Variants in METTL22 observed in about 807,000 individuals in gnomAD.
METTL22 encodes the protein methyltransferase 22, Kin17 lysine, also known as methyltransferase-like protein 22.
A neutral mutation model predicts 48.4 loss-of-function variants in METTL22; 51 were observed. That is an observed-to-expected ratio of 1.05 (90% CI 0.84 to 1.33). The LOEUF is 1.33. Among genes scored for constraint, METTL22 ranks in the 40% most tolerant of loss-of-function variants. The pLI is 0.00. For missense variants in METTL22, 678 were observed against 526.9 expected, an observed-to-expected ratio of 1.29 and a Z score of -2.81; for synonymous variants, 255 against 214.1, an observed-to-expected ratio of 1.19 and a Z score of -1.67.
At chr16:8,631,397 G>A (rs146801108) in intron 3 of METTL22, 8 of 152,310 alleles carry the variant, frequency 5.3e-5, no homozygotes, top group East Asian at 1.9e-4. Flanking sequence ...AACTCAGGCC[G>A]TCAGATTCTG....
At chr16:8,624,955 AAAAG>A (rs1326939035) in intron 1 of METTL22, among the ~76,000 whole-genome samples, 2 of 152,308 alleles carry the variant, frequency 1.3e-5, no homozygotes. Flanking sequence ...TCTAGAATAA[AAAAG>A]AAAGAGTAAA....
Position 8,644,213 on chromosome 16 carries a change from G to A in METTL22, c.1011-344G>A, listed in dbSNP as rs139425131. Among the ~76,000 whole-genome samples, 220 of 152,280 alleles carry A rather than the reference G, an allele frequency of 1.4e-3. 2 individuals carry two copies. Among genetic ancestry groups the A allele is most frequent in the African/African-American group, 5.1e-3 (213 of 41,550 alleles). On this transcript the variant is annotated intron_variant, in intron 9 of 10. Coordinates refer to ENST00000381920, the MANE Select transcript of METTL22 (RefSeq NM_024109.4). ...TCTCAGATAGTTATGCGCAGCTCCAGGCACCAGATTCTGTGCTGGGTGCAG... is the reference window on the plus strand; with the variant it reads ...TCTCAGATAGTTATGCGCAGCTCCAAGCACCAGATTCTGTGCTGGGTGCAG...
In METTL22 at chr16:8,649,421, A is replaced by G. The variant is rs1345498319; in HGVS notation, c.*3278A>G. The G allele has an allele frequency of 6.6e-6, 1 of 152,156 alleles. No individual in the cohort carries two copies. The highest frequency in any genetic ancestry group is 1.5e-5 in the Non-Finnish European group (1 of 68,038). The allele number at this position is 152,156 out of a possible 1,614,324, so 9.4% of individuals were successfully genotyped here. A position where few individuals can be genotyped will look rare whatever the true frequency, so the allele number is the denominator to read the frequency against. Reference sequence around the variant, plus strand: ...CCAGGCCAGTGGACTCAATTTTTTTATAACATTTTCAGAAAAATATGTGAC... The same window carrying G: ...CCAGGCCAGTGGACTCAATTTTTTTGTAACATTTTCAGAAAAATATGTGAC... On this transcript the variant is annotated 3_prime_UTR_variant, in exon 11 of 11. Transcript: ENST00000381920.
At chr16:8,644,019 T>C (rs766862028) in intron 9 of METTL22, among the ~76,000 whole-genome samples, 4 of 152,198 alleles carry the variant, frequency 2.6e-5, no homozygotes, top group Non-Finnish European at 5.9e-5. Context: ...GAAACCATCT[T>C]GTAGACTAAG....
In METTL22 at chr16:8,649,520, A is replaced by T. The variant is rs548854381; in HGVS notation, c.*3377A>T. The stretch of plus-strand genomic sequence containing the variant: ...TGTTAAAACCAACAAAGCCAGGCAC[A>T]GTGGCTCACACCTGTAATTCCAGCA... On this transcript the variant is annotated 3_prime_UTR_variant, in exon 11 of 11. Coordinates refer to ENST00000381920, the MANE Select transcript of METTL22 (RefSeq NM_024109.4). 6.6e-6 allele frequency: 1 copy of T among 152,270 alleles called. No homozygotes were observed. Among genetic ancestry groups the T allele is most frequent in the South Asian group, 2.1e-4 (1 of 4,822 alleles). 9.4% of individuals were successfully genotyped at this position (152,270 alleles called of 1,614,324 possible).
intron 8 of METTL22, 32 bp from the exon 9 acceptor site, chr16:8,642,431 T>C (rs2056649841): frequency 1.3e-6 from 2 of 1,599,698 alleles, no homozygotes; most frequent in Non-Finnish European, 1.7e-6. Flanking sequence ...TTGCGTGTTT[T>C]CCTCTAATGC....
rs577756692 is a variant in METTL22 at position 8,639,706 on chromosome 16, C to G, written c.772+544C>G. On this transcript the variant is annotated intron_variant, in intron 6 of 10. Coordinates refer to ENST00000381920, the MANE Select transcript of METTL22 (RefSeq NM_024109.4). ...GTCCCCCTGCGCAGATGGGCCTCCG[C>G]CTCCATCTGCCTGGTTCTCTGCTCC... 3.4e-3 allele frequency: 554 copies of G among 162,520 alleles called. 10 individuals carry two copies. Among genetic ancestry groups the G allele is most frequent in the East Asian group, 0.023 (133 of 5,728 alleles). The allele number at this position is 162,520 out of a possible 1,614,324, so 10.1% of individuals were successfully genotyped here. A position where few individuals can be genotyped will look rare whatever the true frequency, so the allele number is the denominator to read the frequency against.
At chr16:8,644,841 G>A (rs777938619) in intron 10 of METTL22, 116 bp downstream of exon 10, 3 of 1,164,136 alleles carry the variant, frequency 2.6e-6, no homozygotes, top group Non-Finnish European at 3.5e-6. Flanking sequence ...TAGTCCTGCA[G>A]GGGGTGAAGC....
At chr16:8,660,877 A>AG in the METTL22 span, among the ~76,000 whole-genome samples, 9 of 10,886 alleles carry the variant, frequency 8.3e-4, no homozygotes, top group South Asian at 5.0e-3. Flanking sequence ...AGGAGGAGGA[A>AG]GAGGAGGAGG....
chr16:8,634,007 A>G (rs771805191), intron 3 of METTL22, among the ~76,000 whole-genome samples: 1 of 152,386 alleles, frequency 6.6e-6, no homozygotes, highest in East Asian at 1.9e-4. Flanking sequence ...GTTTCAAACC[A>G]GGTGACTACG....
the METTL22 span, among the ~76,000 whole-genome samples, chr16:8,663,274 G>T: frequency 6.7e-6 from 1 of 149,366 alleles, no homozygotes; most frequent in Non-Finnish European, 1.5e-5. Context: ...ATTAATCTCT[G>T]TTGCATTTCT....
intron 3 of METTL22, among the ~76,000 whole-genome samples, chr16:8,634,132 T>C (rs909655421): frequency 2.0e-5 from 3 of 152,230 alleles, no homozygotes; most frequent in Admixed American, 2.0e-4. Flanking sequence ...CATTAGTCAC[T>C]TTATTCAGAG....
chr16:8,653,192 C>T (rs571951988), downstream of METTL22, among the ~76,000 whole-genome samples: 5 of 152,306 alleles, frequency 3.3e-5, no homozygotes, highest in South Asian at 1.0e-3. Context: ...CAGGAATTTG[C>T]TTTTCTAACA....
rs948262705 is a variant in METTL22 at position 8,646,393 on chromosome 16, G to GGT, written c.*251_*252dup. ...CTCATGGTTGTGATGTGTGCTCCAG[G>GGT]GTCAAGCCGAGCCACGTTCCTTCTC... is the stretch of plus-strand genomic sequence containing the variant. On this transcript the variant is annotated 3_prime_UTR_variant, in exon 11 of 11. Coordinates refer to ENST00000381920, the MANE Select transcript of METTL22 (RefSeq NM_024109.4). The GGT allele has an allele frequency of 6.3e-5, 43 of 686,998 alleles. No homozygotes were observed. The African/African-American group carries it at 6.5e-4, about 10-fold the overall frequency. The allele number at this position is 686,998 out of a possible 1,614,324, so 42.6% of individuals were successfully genotyped here.
intron 1 of METTL22, among the ~76,000 whole-genome samples, chr16:8,624,483 G>A (rs1025725697): frequency 6.6e-6 from 1 of 151,558 alleles, no homozygotes; most frequent in Non-Finnish European, 1.5e-5. Context: ...GGTGTCAAGC[G>A]ATCCTCCCAC....
the METTL22 span, among the ~76,000 whole-genome samples, chr16:8,658,006 G>A: frequency 1.3e-5 from 2 of 152,010 alleles, no homozygotes; most frequent in East Asian, 1.9e-4. Flanking sequence ...TAGCAGAGAC[G>A]GGGTTTCACC....
In METTL22 at chr16:8,644,653, G is replaced by T. The variant is rs1164624102; in HGVS notation, c.1107G>T (p.Lys369Asn). The change falls in exon 10 of 11, where the codon AAG (lysine) becomes AAT (asparagine). Residue 369 changes from lysine to asparagine, a missense_variant. By Grantham distance (94) the Lys-to-Asn change is moderately conservative. Coordinates refer to ENST00000381920, the MANE Select transcript of METTL22 (RefSeq NM_024109.4). ...CGCTGGAGCAGCTCGCAGATGGCAA[G>T]CTGCGCTTCGTGGTGGAGCCCGTGG... ...LHALEQLADG[K>N]LRFVVEPVEA... 1 of 1,606,802 alleles carries T rather than the reference G, an allele frequency of 6.2e-7. No individual in the cohort carries two copies. The highest frequency in any genetic ancestry group is 8.5e-7 in the Non-Finnish European group (1 of 1,176,924).
intron 6 of METTL22, chr16:8,639,749 A>C (rs945894861): frequency 6.4e-6 from 1 of 157,220 alleles, no homozygotes; most frequent in African/African-American, 2.4e-5. Flanking sequence ...GCCTGCAGGG[A>C]TGAGTGTATG....
At position 8,628,793 on chromosome 16, in the gene METTL22, G is replaced by C; in HGVS notation, c.197G>C (p.Gly66Ala). ...TCTTGGACAGATTCAGGAGCCAAGG[G>C]TGGCAGTCACAGAGATGTTCACACA... Reference protein sequence around the residue: ...QDSWTDSGAKGGSHRDVHTKE... With the variant: ...QDSWTDSGAKAGSHRDVHTKE... Residue 66 changes from glycine to alanine, a missense_variant, in exon 3 of 11, where the codon GGT (glycine) becomes GCT (alanine). Physicochemically the swap from Gly to Ala is moderately conservative, Grantham distance 60 (BLOSUM62 0). Coordinates refer to ENST00000381920, the MANE Select transcript of METTL22 (RefSeq NM_024109.4). 1 of 1,614,212 alleles carries C rather than the reference G, an allele frequency of 6.2e-7. No individual in the cohort carries two copies. The highest frequency in any genetic ancestry group is 8.5e-7 in the Non-Finnish European group (1 of 1,180,036).
Sources: gnomAD v4.1 joint callset for allele counts (sites outside exome capture counted in the v4.1 genomes callset) on GRCh38, gnomAD v4.1.1 for gene constraint, MANE v1.5 for transcripts, NCBI Gene and HGNC (gene_info 2026-07-23, HGNC 2026-07-21) for gene names.